The following GABRB3 variants were observed in gnomAD, a reference collection of about 807,000 sequenced individuals.
GABRB3 encodes gamma-aminobutyric acid type A receptor subunit beta3, also known as gamma-aminobutyric acid receptor subunit beta-3.
In GABRB3, 14 loss-of-function variants were observed where a neutral mutation model predicts 52.1. The observed-to-expected ratio is 0.27, with a 90% CI of 0.18 to 0.42. GABRB3 has a LOEUF of 0.42. Ranked by LOEUF, GABRB3 falls within the 10% of genes least tolerant of loss-of-function variation. The probability of loss-of-function intolerance (pLI) is 1.00; values close to 1 mark genes in which losing one functional copy is unlikely to be tolerated. For missense variants in GABRB3, 307 were observed against 609.1 expected (o/e 0.50, Z 5.22); for synonymous variants, 260 against 232.3 (o/e 1.12, Z -1.08).
chr15:26,682,140 G>A (rs556657183), intron 3 of GABRB3, among the ~76,000 whole-genome samples: 29 of 151,978 alleles, frequency 1.9e-4, no homozygotes, highest in Middle Eastern at 3.4e-3. Context: ...ATGTCTGACC[G>A]TCAGTTTCTT....
At chr15:26,673,660 A>C (rs1412060942) in intron 3 of GABRB3, among the ~76,000 whole-genome samples, 1 of 152,242 alleles carries the variant, frequency 6.6e-6, no homozygotes, top group Non-Finnish European at 1.5e-5. Flanking sequence ...ATTCAGAGCA[A>C]ATCAGACAAC....
At chr15:26,715,387 A>G (rs948437783) in intron 3 of GABRB3, among the ~76,000 whole-genome samples, 1 of 152,198 alleles carries the variant, frequency 6.6e-6, no homozygotes, top group Non-Finnish European at 1.5e-5. Context: ...AGCAACAGAT[A>G]TGATGGTGAC....
At chr15:26,732,303 T>A (rs1889946733) in intron 3 of GABRB3, among the ~76,000 whole-genome samples, 1 of 76,328 alleles carries the variant, frequency 1.3e-5, no homozygotes, top group Admixed American at 1.0e-4. Context: ...GATGGATGGA[T>A]GGATGGATGG....
intron 4 of GABRB3, among the ~76,000 whole-genome samples, chr15:26,618,392 C>T (rs915547124): frequency 6.6e-6 from 1 of 151,876 alleles, no homozygotes; most frequent in Non-Finnish European, 1.5e-5. Context: ...CTTTGACAAA[C>T]CTGAGAAAAA....
rs569362175 is a variant in GABRB3, at chr15:26,745,971, G to A, written c.240+26431C>T. ...TCCTCTGAGATAAATGCCACAGAGT[G>A]CAATTGCTGGGTTGTAAGGTAACTG... is the stretch of plus-strand genomic sequence containing the variant. On this transcript the variant is annotated intron_variant, in intron 3 of 8. Coordinates refer to ENST00000311550, the MANE Select transcript of GABRB3 (RefSeq NM_000814.6). Among the ~76,000 whole-genome samples, 8 of 152,264 alleles carry A rather than the reference G, an allele frequency of 5.3e-5. No individual in the cohort carries two copies. In the South Asian group the frequency reaches 1.7e-3, roughly 32 times the overall value.
At chr15:26,636,576 TAGCTGCA>T (rs1200272562) in intron 3 of GABRB3, among the ~76,000 whole-genome samples, 1 of 152,212 alleles carries the variant, frequency 6.6e-6, no homozygotes, top group Non-Finnish European at 1.5e-5. Context: ...TGATTGCCTC[TAGCTGCA>T]TGGCTGATCC....
chr15:26,635,074 C>A (rs1348698059), intron 3 of GABRB3, among the ~76,000 whole-genome samples: 1 of 139,296 alleles, frequency 7.2e-6, no homozygotes, highest in East Asian at 2.1e-4. Flanking sequence ...GTGTACTAAT[C>A]AAAGCCATAG....
At chr15:26,650,700 T>C (rs892979722) in intron 3 of GABRB3, among the ~76,000 whole-genome samples, 1 of 152,070 alleles carries the variant, frequency 6.6e-6, no homozygotes, top group Non-Finnish European at 1.5e-5. Flanking sequence ...CCTAATTGGT[T>C]TTCTACACTG....
At chr15:26,730,375 G>A (rs1889876864) in intron 3 of GABRB3, among the ~76,000 whole-genome samples, 1 of 139,870 alleles carries the variant, frequency 7.1e-6, no homozygotes, top group Non-Finnish European at 1.5e-5. Context: ...CCGAGATCGC[G>A]CCACTGCACT....
chr15:26,680,847 TTTG>T (rs889845610), intron 3 of GABRB3, among the ~76,000 whole-genome samples: 2 of 151,670 alleles, frequency 1.3e-5, no homozygotes, highest in African/African-American at 2.4e-5. Flanking sequence ...CAGAGAGGGG[TTTG>T]TTGTCAAACT....
intron 3 of GABRB3, chr15:26,642,658 C>T (rs987176814): frequency 9.9e-5 from 41 of 414,406 alleles, no homozygotes; most frequent in Non-Finnish European, 1.8e-4. Context: ...TGTAAGTGTA[C>T]CCCCCCGCAC....
chr15:26,752,691 A>C (rs977287248), intron 3 of GABRB3, among the ~76,000 whole-genome samples: 11 of 152,312 alleles, frequency 7.2e-5, no homozygotes, highest in African/African-American at 2.4e-4. Flanking sequence ...CAAGCGAATG[A>C]ATATATCCAT....
intron 3 of GABRB3, among the ~76,000 whole-genome samples, chr15:26,700,591 C>A (rs1888896375): frequency 6.6e-6 from 1 of 152,196 alleles, no homozygotes; most frequent in African/African-American, 2.4e-5. Flanking sequence ...TAAATCAAAT[C>A]TAACTACATA....
At chr15:26,581,573 G>A (rs899734846) in intron 5 of GABRB3, among the ~76,000 whole-genome samples, 3 of 152,074 alleles carry the variant, frequency 2.0e-5, no homozygotes, top group African/African-American at 4.8e-5. Flanking sequence ...CTGACCCCTG[G>A]GCCTTCATCC....
intron 3 of GABRB3, among the ~76,000 whole-genome samples, chr15:26,702,968 G>A (rs543770881): frequency 6.6e-6 from 1 of 152,146 alleles, no homozygotes; most frequent in South Asian, 2.1e-4. Flanking sequence ...TCTGGTTAAG[G>A]GCCCTCTTCC....
intron 4 of GABRB3, among the ~76,000 whole-genome samples, chr15:26,595,623 C>A (rs1391070652): frequency 1.3e-5 from 2 of 152,108 alleles, no homozygotes; most frequent in East Asian, 3.9e-4. Flanking sequence ...TTTTAGTCTG[C>A]CACTTTGCTG....
intron 4 of GABRB3, among the ~76,000 whole-genome samples, chr15:26,594,887 G>C (rs1951900389): frequency 6.6e-6 from 1 of 152,190 alleles, no homozygotes; most frequent in African/African-American, 2.4e-5. Flanking sequence ...AAATGAAAAA[G>C]AGAACAGCAT....
At chr15:26,568,986 G>A (rs1379836201) in intron 6 of GABRB3, among the ~76,000 whole-genome samples, 3 of 152,028 alleles carry the variant, frequency 2.0e-5, no homozygotes, top group Admixed American at 2.0e-4. Flanking sequence ...TCCTCTGATT[G>A]CTCCCCCACA....
At chr15:26,677,229 C>A (rs774880144) in intron 3 of GABRB3, among the ~76,000 whole-genome samples, 3 of 152,178 alleles carry the variant, frequency 2.0e-5, no homozygotes, top group African/African-American at 7.2e-5. Context: ...CCCCCAAATA[C>A]GTTCCCTATT....
Sources: gnomAD v4.1 joint callset for allele counts (sites outside exome capture counted in the v4.1 genomes callset) on GRCh38, gnomAD v4.1.1 for gene constraint, MANE v1.5 for transcripts, NCBI Gene and HGNC (gene_info 2026-07-23, HGNC 2026-07-21) for gene names.